Variants in CYP4F2 observed in about 807,000 individuals in gnomAD.
CYP4F2 encodes cytochrome P450 family 4 subfamily F member 2, also known as cytochrome P450 4F2.
In CYP4F2, 58 loss-of-function variants were observed where a neutral mutation model predicts 58.9. The observed-to-expected ratio is 0.98, with a 90% CI of 0.80 to 1.23. The LOEUF is 1.23. Ranked by LOEUF, CYP4F2 falls within the 50% of genes most tolerant of loss-of-function variation. The pLI is 0.00. For missense variants in CYP4F2, 616 were observed against 685.6 expected (o/e 0.90, Z 1.13); for synonymous variants, 287 against 261.1 (o/e 1.10, Z -0.95).
At position 15,879,664 on chromosome 19, in the gene CYP4F2, A is replaced by G. The variant is rs2089330847; in HGVS notation, c.1254T>C (p.Ile418=). The G allele has an allele frequency of 6.2e-6, 10 of 1,614,016 alleles. No individual in the cohort carries two copies. Among genetic ancestry groups the G allele is most frequent in the Non-Finnish European group, 7.6e-6 (9 of 1,180,030 alleles). ...LPDGRVIPKG[I]ICLISVFGTH... ...TTCCGAAAACACTGATGAGGCAGAT[A>G]ATGCCTGTGGGAGAGAAGGGAGCAG... The change falls in exon 11 of 13, where the codon ATT becomes ATC. Residue 418 remains isoleucine, a synonymous_variant. Transcript: ENST00000221700.
At chr19:15,893,766 G>A (rs964961216) in intron 3 of CYP4F2, 34 of 240,150 alleles carry the variant, frequency 1.4e-4, no homozygotes, top group African/African-American at 5.3e-4. Context: ...CTTGATGCAC[G>A]TGGGGAGAAA....
chr19:15,885,518 C>T (rs550527440), intron 9 of CYP4F2, among the ~76,000 whole-genome samples: 1 of 152,198 alleles, frequency 6.6e-6, no homozygotes, highest in African/African-American at 2.4e-5. Context: ...ATGAATTTTA[C>T]CCCTAGGTCT....
At chr19:15,881,161 C>A (rs1166101080) in intron 9 of CYP4F2, among the ~76,000 whole-genome samples, 4 of 152,220 alleles carry the variant, frequency 2.6e-5, no homozygotes, top group Non-Finnish European at 4.4e-5. Flanking sequence ...AGTCTCATCA[C>A]ATTCTGCAGG....
chr19:15,892,584 T>A lies in CYP4F2; in HGVS notation c.344-2A>T. On this transcript the variant is annotated splice_acceptor_variant, in intron 3 of 12. Transcript: ENST00000221700. LOFTEE classifies it high-confidence loss of function. ...ACTTGTCCTTTGGTGCAATGGCAGC[T>A]GACATAAATGAGGACAATCAGGGGC... 2 of 1,613,564 alleles carry A rather than the reference T, an allele frequency of 1.2e-6. No homozygotes were observed. The highest frequency in any genetic ancestry group is 1.7e-6 in the Non-Finnish European group (2 of 1,179,736).
chr19:15,882,912 A>G (rs1359944742), intron 9 of CYP4F2, among the ~76,000 whole-genome samples: 1 of 152,248 alleles, frequency 6.6e-6, no homozygotes, highest in Non-Finnish European at 1.5e-5. Flanking sequence ...ATTTTCTGGA[A>G]GAATACACAG....
At chr19:15,891,463 T>C (rs972858113) in intron 5 of CYP4F2, among the ~76,000 whole-genome samples, 3 of 151,278 alleles carry the variant, frequency 2.0e-5, no homozygotes, top group African/African-American at 7.3e-5. Flanking sequence ...AATTTGCAAG[T>C]TAAAAAAAAA....
chr19:15,890,304 G>T lies in CYP4F2; in HGVS notation c.647+8C>A, dbSNP rs2089408713. ...GCCCAAGATCCCAGATCCTGGGCAA[G>T]AACTTACTCCTGACAATGGCTGTCA... On this transcript the variant is annotated splice_region_variant and intron_variant, in intron 6 of 12. Transcript: ENST00000221700. 6.2e-7 allele frequency: 1 copy of T among 1,614,030 alleles called. No individual in the cohort carries two copies.
intron 7 of CYP4F2, among the ~76,000 whole-genome samples, chr19:15,888,147 T>G (rs1472137064): frequency 1.5e-5 from 2 of 132,130 alleles, no homozygotes; most frequent in African/African-American, 5.8e-5. Flanking sequence ...AAGTCACAGA[T>G]TTAGAAACAC....
At position 15,892,557 on chromosome 19, in the gene CYP4F2, G is replaced by C. The variant is rs373859283; in HGVS notation, c.369C>G (p.Phe123Leu). The C allele has an allele frequency of 5.1e-5, 82 of 1,614,066 alleles. No homozygotes were observed. The East Asian group carries it at 9.4e-4, about 18-fold the overall frequency. ...ASAAIAPKDK[F>L]FYSFLEPWLG... ...GCCAGGGCTCCAGGAAGCTGTAGAA[G>C]AACTTGTCCTTTGGTGCAATGGCAG... The change falls in exon 4 of 13, where the codon TTC becomes TTG. Residue 123 changes from phenylalanine to leucine, a missense_variant. Physicochemically the swap from Phe to Leu is conservative, Grantham distance 22. Coordinates refer to ENST00000221700, the MANE Select transcript of CYP4F2 (RefSeq NM_001082.5).
chr19:15,894,677 A>T (rs2145014459), intron 3 of CYP4F2, among the ~76,000 whole-genome samples: 1 of 152,190 alleles, frequency 6.6e-6, no homozygotes, highest in East Asian at 1.9e-4. Flanking sequence ...AACCAGAGAC[A>T]GCTGGGTACC....
At chr19:15,888,160 A>G (rs1475306526) in intron 7 of CYP4F2, among the ~76,000 whole-genome samples, 1 of 152,196 alleles carries the variant, frequency 6.6e-6, no homozygotes, top group East Asian at 1.9e-4. Context: ...AGAAACACAG[A>G]CACACAAATA....
Position 15,895,567 on chromosome 19 carries a change from G to A in CYP4F2, c.282C>T (p.Pro94=). 1 of 1,561,422 alleles carries A rather than the reference G, an allele frequency of 6.4e-7. No individual in the cohort carries two copies. The highest frequency in any genetic ancestry group is 8.6e-7 in the Non-Finnish European group (1 of 1,160,852). ...YPQGFKVWMG[P]ISPLLSLCHP... is the part of the protein sequence containing the mutation. The stretch of plus-strand genomic sequence containing the variant: ...GGCACAAACTGAGGAGGGGGGAGAT[G>A]GGTCCCATCCAGACCTTAAAGCCCT... The change falls in exon 3 of 13, where the codon CCC becomes CCT. Residue 94 remains proline (P), a synonymous_variant. Coordinates refer to ENST00000221700, the MANE Select transcript of CYP4F2 (RefSeq NM_001082.5).
At position 15,878,202 on chromosome 19, in the gene CYP4F2, C is replaced by T. The variant is rs1228629510; in HGVS notation, c.*569G>A. 1 of 152,314 alleles carries T rather than the reference C, an allele frequency of 6.6e-6. No homozygotes were observed. Among genetic ancestry groups the T allele is most frequent in the East Asian group, 1.9e-4 (1 of 5,188 alleles). 9.4% of individuals were successfully genotyped at this position (152,314 alleles called of 1,614,324 possible). On this transcript the variant is annotated 3_prime_UTR_variant, in exon 13 of 13. Coordinates refer to ENST00000221700, the MANE Select transcript of CYP4F2 (RefSeq NM_001082.5). Reference sequence around the variant, plus strand: ...GTGTCCAATTCAATAGCATTTAGTGCACTCACAGTGTCGTGCTACCTTCGT... The same window carrying T: ...GTGTCCAATTCAATAGCATTTAGTGTACTCACAGTGTCGTGCTACCTTCGT...
At chr19:15,888,581 AACATAG>A (rs1263904691) in intron 7 of CYP4F2, among the ~76,000 whole-genome samples, 3 of 151,988 alleles carry the variant, frequency 2.0e-5, no homozygotes, top group African/African-American at 7.3e-5. Flanking sequence ...AGTACACATA[AACATAG>A]ACATAGACAC....
intron 7 of CYP4F2, among the ~76,000 whole-genome samples, chr19:15,887,234 A>T (rs1159762657): frequency 1.3e-5 from 2 of 152,210 alleles, no homozygotes; most frequent in Non-Finnish European, 2.9e-5. Context: ...ACACAAACAC[A>T]CAAATACAAA....
rs778384254 is a variant in CYP4F2, at chr19:15,879,760, G to A, written c.1249+4C>T. On this transcript the variant is annotated splice_donor_region_variant and intron_variant, in intron 10 of 12. Transcript: ENST00000221700. The stretch of plus-strand genomic sequence containing the variant: ...GAGACTCCTCCCCGTGAGGCTGTGA[G>A]CACCTTTGGGGATGACCCGGCCGTC... The A allele has an allele frequency of 1.9e-6, 3 of 1,613,920 alleles. No homozygotes were observed. In the African/African-American group the frequency reaches 4.0e-5, roughly 22 times the overall value.
At chr19:15,881,585 A>G (rs113955589) in intron 9 of CYP4F2, among the ~76,000 whole-genome samples, 1 of 31,006 alleles carries the variant, frequency 3.2e-5, no homozygotes, top group Admixed American at 3.1e-4. Context: ...ATAGATAGAT[A>G]GATAGATAGA....
At chr19:15,891,620 T>A (rs1234643773) in intron 5 of CYP4F2, among the ~76,000 whole-genome samples, 1 of 152,172 alleles carries the variant, frequency 6.6e-6, no homozygotes, top group African/African-American at 2.4e-5. Flanking sequence ...GACTTTTGGC[T>A]TTCGATGTCA....
At chr19:15,889,163 G>A (rs1328053637) in intron 7 of CYP4F2, among the ~76,000 whole-genome samples, 2 of 152,224 alleles carry the variant, frequency 1.3e-5, no homozygotes, top group Admixed American at 6.5e-5. Context: ...AGATGTAGAT[G>A]TATGGAGTTA....
Sources: gnomAD v4.1 joint callset for allele counts (sites outside exome capture counted in the v4.1 genomes callset) on GRCh38, gnomAD v4.1.1 for gene constraint, MANE v1.5 for transcripts, NCBI Gene and HGNC (gene_info 2026-07-23, HGNC 2026-07-21) for gene names.